C2orf80: variants seen among roughly 807,000 people sequenced by gnomAD.
C2orf80 encodes the protein uncharacterized protein C2orf80.
A neutral mutation model predicts 30.2 loss-of-function variants in C2orf80; 28 were observed. The ratio of observed to expected loss-of-function variants is 0.93; its 90% CI spans 0.69 to 1.27. The LOEUF is 1.27. C2orf80 is among the 50% of genes most tolerant of loss of function. The pLI, the probability that C2orf80 is intolerant of heterozygous loss-of-function variation, is 0.00. For missense variants in C2orf80, 220 were observed against 231.0 expected, an observed-to-expected ratio of 0.95 and a Z score of 0.31; for synonymous variants, 80 against 76.4, an observed-to-expected ratio of 1.05 and a Z score of -0.24.
intron 6 of C2orf80, among the ~76,000 whole-genome samples, chr2:208,178,487 G>C (rs1696438404): frequency 6.6e-6 from 1 of 152,164 alleles, no homozygotes; most frequent in Admixed American, 6.5e-5. Flanking sequence ...GATTTGCTTG[G>C]CTATCCAAGG....
chr2:208,178,265 C>T (rs1430079267), intron 6 of C2orf80, among the ~76,000 whole-genome samples: 3 of 152,160 alleles, frequency 2.0e-5, no homozygotes, highest in Non-Finnish European at 4.4e-5. Flanking sequence ...GTCTTTTAGC[C>T]ATGTGAGTTG....
chr2:208,165,927 C>T (rs1695873725), intron 8 of C2orf80, 112 bp from the exon 9 acceptor site: 6 of 646,050 alleles, frequency 9.3e-6, no homozygotes, highest in Admixed American at 2.7e-5. Context: ...AACTTACTGA[C>T]AAAGATAGAT....
intron 6 of C2orf80, among the ~76,000 whole-genome samples, chr2:208,173,429 C>G (rs1235693090): frequency 6.6e-6 from 1 of 152,000 alleles, no homozygotes; most frequent in African/African-American, 2.4e-5. Flanking sequence ...TCGAAACTAT[C>G]CTGGATAACA....
At chr2:208,168,619 CCACTG>C (rs1695984944) in intron 8 of C2orf80, 1 of 146,668 alleles carries the variant, frequency 6.8e-6, no homozygotes, top group Non-Finnish European at 1.5e-5. Flanking sequence ...CAAGATTGCG[CCACTG>C]CACTCCAGCC....
At chr2:208,181,330 TG>T (rs1559343293) in intron 4 of C2orf80, 25 bp from the exon 5 acceptor site, 2 of 1,462,898 alleles carry the variant, frequency 1.4e-6, no homozygotes, top group Non-Finnish European at 1.9e-6. Context: ...GAAATACAAG[TG>T]GAAGATTTAT....
At chr2:208,177,294 C>A (rs1315907422) in intron 6 of C2orf80, among the ~76,000 whole-genome samples, 1 of 151,508 alleles carries the variant, frequency 6.6e-6, no homozygotes, top group East Asian at 1.9e-4. Context: ...GTAATCCCAG[C>A]ACTTTGGGAG....
intron 6 of C2orf80, among the ~76,000 whole-genome samples, chr2:208,177,071 G>A (rs372332006): frequency 2.1e-4 from 28 of 131,042 alleles, no homozygotes; most frequent in Middle Eastern, 9.1e-3. Context: ...ATACATATAC[G>A]TATATAGATA....
chr2:208,173,556 C>T (rs556728328), intron 6 of C2orf80, among the ~76,000 whole-genome samples: 16 of 151,934 alleles, frequency 1.1e-4, no homozygotes, highest in Non-Finnish European at 1.6e-4. Flanking sequence ...ACCCGGGAGG[C>T]GGAGCTTGCC....
rs771219712 is a variant in C2orf80, at chr2:208,183,028, A to G, written c.143T>C (p.Ile48Thr). 1 of 1,614,078 alleles carries G rather than the reference A, an allele frequency of 6.2e-7. No homozygotes were observed. Among genetic ancestry groups the G allele is most frequent in the South Asian group, 1.1e-5 (1 of 91,086 alleles). Residue 48 changes from isoleucine (I) to threonine (T), a missense_variant, in exon 4 of 9, where the codon ATC (isoleucine) becomes ACC (threonine). Physicochemically the swap from Ile to Thr is moderately conservative, Grantham distance 89. Coordinates refer to ENST00000341287, the MANE Select transcript of C2orf80 (RefSeq NM_001099334.3). ...LDDMAHYDLA[I>T]SVALQWLDPS... ...ATCCAGCCATTGCAAAGCAACACTG[A>G]TGGCCAAGTCATAGTGTGCCTGGGA...
intron 1 of C2orf80, among the ~76,000 whole-genome samples, chr2:208,187,417 C>A (rs1696750349): frequency 1.3e-5 from 2 of 152,254 alleles, no homozygotes; most frequent in South Asian, 4.1e-4. Context: ...TTGGGTTTTT[C>A]TGTGAGCATT....
intron 8 of C2orf80, among the ~76,000 whole-genome samples, chr2:208,170,015 A>T (rs1167198838): frequency 6.6e-6 from 1 of 152,200 alleles, no homozygotes; most frequent in Non-Finnish European, 1.5e-5. Flanking sequence ...GTCTATTCAG[A>T]GATTCAATTT....
Position 208,184,957 on chromosome 2 carries a change from A to C in C2orf80, c.117T>G (p.Asp39Glu). The part of the protein sequence containing the change: ...PKGRRQLTFL[D>E]DMAHYDLAIS... ...TCAGCGTGCCTTTCTTTACCATATC[A>C]TCTAGAAAGGTGAGTTGCCGTCTTC... Residue 39 changes from aspartate (D) to glutamate (E), a missense_variant, in exon 3 of 9, where the codon GAT becomes GAG. Coordinates refer to ENST00000341287, the MANE Select transcript of C2orf80 (RefSeq NM_001099334.3). The C allele has an allele frequency of 3.1e-6, 5 of 1,612,926 alleles. No homozygotes were observed. The highest frequency in any genetic ancestry group is 4.2e-6 in the Non-Finnish European group (5 of 1,179,106).
intron 8 of C2orf80, 139 bp downstream of exon 8, chr2:208,170,806 C>G (rs1330910922): frequency 2.5e-5 from 17 of 693,160 alleles, no homozygotes; most frequent in Non-Finnish European, 3.9e-5. Flanking sequence ...GCCTGATGTC[C>G]CATAGCTGGT....
intron 1 of C2orf80, among the ~76,000 whole-genome samples, chr2:208,188,431 C>G (rs1696782577): frequency 6.6e-6 from 1 of 151,756 alleles, no homozygotes; most frequent in Admixed American, 6.6e-5. Context: ...TTCCCTAGGC[C>G]ACCTTCATTA....
intron 6 of C2orf80, 32 bp downstream of exon 6, chr2:208,180,713 C>T: frequency 6.6e-7 from 1 of 1,521,388 alleles, no homozygotes. Context: ...CTCTAAAAAT[C>T]CCTTCTATTG....
chr2:208,189,890 G>A, intron 1 of C2orf80, 63 bp downstream of exon 1: 1 of 701,566 alleles, frequency 1.4e-6, no homozygotes, highest in Non-Finnish European at 2.6e-6. Flanking sequence ...TCGTGGTACA[G>A]GTCTCTCGGG....
intron 3 of C2orf80, 38 bp downstream of exon 3, chr2:208,184,913 A>G (rs1696669381): frequency 4.6e-6 from 7 of 1,524,672 alleles, no homozygotes; most frequent in Non-Finnish European, 6.4e-6. Flanking sequence ...ATACACATAT[A>G]ACACAAATAT....
At chr2:208,178,819 A>G (rs1269985855) in intron 6 of C2orf80, among the ~76,000 whole-genome samples, 2 of 152,010 alleles carry the variant, frequency 1.3e-5, no homozygotes, top group African/African-American at 4.8e-5. Flanking sequence ...GTGCAGTGGC[A>G]TGATCTCAGC....
chr2:208,179,508 C>T (rs1487795335), intron 6 of C2orf80, among the ~76,000 whole-genome samples: 1 of 152,172 alleles, frequency 6.6e-6, no homozygotes, highest in Non-Finnish European at 1.5e-5. Flanking sequence ...ACGTTGGTGC[C>T]CCCCTTCCCC....
Sources: gnomAD v4.1 joint callset for allele counts (sites outside exome capture counted in the v4.1 genomes callset) on GRCh38, gnomAD v4.1.1 for gene constraint, MANE v1.5 for transcripts, NCBI Gene and HGNC (gene_info 2026-07-23, HGNC 2026-07-21) for gene names.